CDH4: variants seen among roughly 807,000 people sequenced by gnomAD.
CDH4 encodes the protein cadherin-4.
CDH4 carries 33 observed loss-of-function variants against 86.0 expected under a neutral mutation model. That is an observed-to-expected ratio of 0.38 (90% confidence interval 0.29 to 0.51). The LOEUF (loss-of-function observed/expected upper bound fraction) is 0.51, where lower values mean the gene tolerates loss of function less well. CDH4 is among the 20% of genes least tolerant of loss of function. The probability of loss-of-function intolerance (pLI) is 0.86; values close to 1 mark genes in which losing one functional copy is unlikely to be tolerated. For missense variants in CDH4, 1,114 were observed against 1,307.4 expected (o/e 0.85, Z 2.28); for synonymous variants, 555 against 549.4 (o/e 1.01, Z -0.14).
At chr20:61,886,939 T>C (rs1568867580) in intron 7 of CDH4, among the ~76,000 whole-genome samples, 1 of 152,096 alleles carries the variant, frequency 6.6e-6, no homozygotes. Flanking sequence ...GAAATGCACT[T>C]GAGGGCAAAG....
intron 2 of CDH4, among the ~76,000 whole-genome samples, chr20:61,548,837 G>T (rs1311122909): frequency 6.6e-6 from 1 of 152,190 alleles, no homozygotes; most frequent in African/African-American, 2.4e-5. Flanking sequence ...AGAAGAATTG[G>T]CAGGTGATTG....
intron 2 of CDH4, among the ~76,000 whole-genome samples, chr20:61,492,171 ATTG>A (rs2085630630): frequency 7.1e-6 from 1 of 141,792 alleles, no homozygotes; most frequent in Admixed American, 7.0e-5. Context: ...TGGTGTCGAT[ATTG>A]TTGATATTGG....
chr20:61,643,876 A>G (rs925647184), intron 2 of CDH4, among the ~76,000 whole-genome samples: 1 of 152,230 alleles, frequency 6.6e-6, no homozygotes, highest in Non-Finnish European at 1.5e-5. Flanking sequence ...CCCCTGCTAC[A>G]TGAGTCCAGA....
intron 2 of CDH4, among the ~76,000 whole-genome samples, chr20:61,631,593 G>A (rs1471149022): frequency 1.3e-5 from 2 of 152,158 alleles, no homozygotes; most frequent in Non-Finnish European, 2.9e-5. Flanking sequence ...GCAGTGAGCC[G>A]AGATCACGCC....
At chr20:61,565,345 C>CGGTG (rs2086284668) in intron 2 of CDH4, among the ~76,000 whole-genome samples, 2 of 26,426 alleles carry the variant, frequency 7.6e-5, no homozygotes, top group Non-Finnish European at 1.4e-4. Flanking sequence ...TGGTAGTGGT[C>CGGTG]CTCTTGGTGA....
At chr20:61,630,146 A>G (rs186453768) in intron 2 of CDH4, among the ~76,000 whole-genome samples, 6 of 152,308 alleles carry the variant, frequency 3.9e-5, no homozygotes, top group Non-Finnish European at 5.9e-5. Context: ...AATCCACCCC[A>G]GTCCCTCTTG....
At chr20:61,799,414 C>T (rs34405158) in intron 4 of CDH4, among the ~76,000 whole-genome samples, 17 of 152,322 alleles carry the variant, frequency 1.1e-4, no homozygotes, top group South Asian at 2.1e-4. Flanking sequence ...TTTGAGGCCT[C>T]AATTCCCTGC....
rs763770858 is a variant in CDH4, at chr20:61,929,712, G to A, written c.2109G>A (p.Thr703=). 1.2e-5 allele frequency: 19 copies of A among 1,614,042 alleles called. No homozygotes were observed. The highest frequency in any genetic ancestry group is 4.4e-5 in the South Asian group (4 of 91,092). ...TDSGNPPLSN[T]SIIKVKVCPC... ...CTGGAAACCCTCCCCTGTCCAACAC[G>A]TCCATCATCAAAGTCAAGGTGTGCC... is the stretch of plus-strand genomic sequence containing the variant. The change falls in exon 13 of 16, where the codon ACG becomes ACA. Residue 703 remains threonine, a synonymous_variant. Transcript: ENST00000614565.
At position 61,810,995 on chromosome 20, in the gene CDH4, ATCAG is replaced by A. The variant is rs963770487; in HGVS notation, c.577-33669_577-33666del. 2.0e-5 allele frequency among the ~76,000 whole-genome samples: 3 copies of A among 152,210 alleles called. No individual in the cohort carries two copies. Among genetic ancestry groups the A allele is most frequent in the Non-Finnish European group, 2.9e-5 (2 of 68,034 alleles). On this transcript the variant is annotated intron_variant, in intron 4 of 15. Coordinates refer to ENST00000614565, the MANE Select transcript of CDH4 (RefSeq NM_001794.5). This position sits in a 1 kb window ranked among gnomAD's most constrained non-coding sequence, Gnocchi z 4.3. ...CATTTGTAACGGGAGCTAGAAAGGA[ATCAG>A]TCAAACGAACTCATGGCTCTTCATC...
chr20:61,653,447 T>C (rs2087147298), intron 2 of CDH4, among the ~76,000 whole-genome samples: 1 of 135,950 alleles, frequency 7.4e-6, no homozygotes, highest in Non-Finnish European at 1.7e-5. Context: ...CAATGAGCTG[T>C]TGGGTACACC....
chr20:61,298,847 G>C (rs2084371226), intron 2 of CDH4, among the ~76,000 whole-genome samples: 3 of 151,444 alleles, frequency 2.0e-5, no homozygotes. Context: ...AAAAGCAAGT[G>C]CACTAGTGTG....
chr20:61,878,544 A>C (rs60633779), intron 7 of CDH4, among the ~76,000 whole-genome samples: 1 of 152,186 alleles, frequency 6.6e-6, no homozygotes, highest in Non-Finnish European at 1.5e-5. Flanking sequence ...CGCAGCAGCC[A>C]TGTCCCAGGG....
chr20:61,698,409 C>T (rs116197972), intron 2 of CDH4, among the ~76,000 whole-genome samples: 2,419 of 152,352 alleles, frequency 0.016, 65 homozygotes, highest in African/African-American at 0.056. Flanking sequence ...AAAGTGGGAG[C>T]CGCAGCCCTG....
At position 61,937,465 on chromosome 20, in the gene CDH4, G is replaced by C. The variant is rs1050902403; in HGVS notation, c.*522G>C. The C allele has an allele frequency of 2.0e-5, 3 of 152,100 alleles. No individual in the cohort carries two copies. The highest frequency in any genetic ancestry group is 1.3e-4 in the Admixed American group (2 of 15,280). 9.4% of individuals were successfully genotyped at this position (152,100 alleles called of 1,614,324 possible). A position where few individuals can be genotyped will look rare whatever the true frequency, so the allele number is the denominator to read the frequency against. ...TCTTTTATTAAGAAAAAGAAAGTGG[G>C]TGACTTGTTTGAAAACAGAGTGGGG... On this transcript the variant is annotated 3_prime_UTR_variant, in exon 16 of 16. Coordinates refer to ENST00000614565, the MANE Select transcript of CDH4 (RefSeq NM_001794.5).
intron 2 of CDH4, among the ~76,000 whole-genome samples, chr20:61,495,893 A>C: frequency 8.6e-6 from 1 of 115,704 alleles, no homozygotes; most frequent in African/African-American, 3.4e-5. Context: ...ACAGAGTGAG[A>C]CTCCATCTCA....
chr20:61,771,103 C>T (rs974279679), intron 3 of CDH4, among the ~76,000 whole-genome samples: 8 of 150,690 alleles, frequency 5.3e-5, no homozygotes, highest in African/African-American at 1.7e-4. Flanking sequence ...CTCCACCTCC[C>T]GGGTTCAAGT....
At chr20:61,861,944 G>A (rs544747376) in intron 6 of CDH4, among the ~76,000 whole-genome samples, 31 of 152,142 alleles carry the variant, frequency 2.0e-4, no homozygotes, top group South Asian at 4.1e-4. Context: ...AGATACATCC[G>A]CTCCTCAAGG....
intron 2 of CDH4, among the ~76,000 whole-genome samples, chr20:61,580,072 T>C (rs2086413914): frequency 6.6e-6 from 1 of 151,872 alleles, no homozygotes; most frequent in East Asian, 1.9e-4. Context: ...CCTCATTGTT[T>C]ACAGTGCAAC....
At chr20:61,890,316 AGATGGAT>A (rs1399592504) in intron 7 of CDH4, among the ~76,000 whole-genome samples, 2 of 149,068 alleles carry the variant, frequency 1.3e-5, no homozygotes, top group South Asian at 4.3e-4. Flanking sequence ...ATGGATGGAT[AGATGGAT>A]GATGGATGGG....
Sources: gnomAD v4.1 joint callset for allele counts (sites outside exome capture counted in the v4.1 genomes callset) on GRCh38, gnomAD v4.1.1 for gene constraint, Gnocchi (gnomAD v3.1) non-coding constraint, MANE v1.5 for transcripts, NCBI Gene and HGNC (gene_info 2026-07-23, HGNC 2026-07-21) for gene names.